The following TANGO2 variants were observed in gnomAD, a reference collection of about 807,000 sequenced individuals.
The protein encoded by TANGO2 is transport and Golgi organization protein 2 homolog.
A neutral mutation model predicts 39.1 loss-of-function variants in TANGO2; 26 were observed. That is an observed-to-expected ratio of 0.67 (90% confidence interval 0.49 to 0.92). TANGO2 has a LOEUF of 0.92. Among genes scored for constraint, TANGO2 ranks in the 40% least tolerant of loss-of-function variants. The probability of loss-of-function intolerance (pLI) is 0.00; values close to 1 mark genes in which losing one functional copy is unlikely to be tolerated. For missense variants in TANGO2, 326 were observed against 360.1 expected, an observed-to-expected ratio of 0.91 and a Z score of 0.77; for synonymous variants, 131 against 144.5, an observed-to-expected ratio of 0.91 and a Z score of 0.67.
upstream of TANGO2, among the ~76,000 whole-genome samples, chr22:20,018,332 A>G (rs1347679350): frequency 6.6e-6 from 1 of 152,214 alleles, no homozygotes; most frequent in East Asian, 1.9e-4. Context: ...CAAACCAGGT[A>G]GCTGTCATCC....
chr22:20,055,714 G>T (rs1036597328), intron 5 of TANGO2: 9 of 591,786 alleles, frequency 1.5e-5, no homozygotes, highest in Non-Finnish European at 2.7e-5. Context: ...GGGCTGGTGG[G>T]CCCCGAGGTG....
upstream of TANGO2, among the ~76,000 whole-genome samples, chr22:20,017,371 G>A (rs1601722414): frequency 6.6e-6 from 1 of 152,172 alleles, no homozygotes; most frequent in Non-Finnish European, 1.5e-5. Context: ...CTGACCCTGG[G>A]GCCTGGGGGC....
chr22:20,043,818 C>T (rs1420852220), intron 3 of TANGO2, among the ~76,000 whole-genome samples: 1 of 152,068 alleles, frequency 6.6e-6, no homozygotes, highest in African/African-American at 2.4e-5. Flanking sequence ...CGTGTGTATG[C>T]GTGCGTGTGT....
At chr22:20,017,668 C>T (rs559800422), upstream of TANGO2, among the ~76,000 whole-genome samples, 1 of 152,308 alleles carries the variant, frequency 6.6e-6, no homozygotes, top group Admixed American at 6.5e-5. Context: ...TTTTCTTCAC[C>T]CTACCTGGAG....
At chr22:20,017,102 G>C (rs1945239149), upstream of TANGO2, 1 of 152,116 alleles carries the variant, frequency 6.6e-6, no homozygotes, top group Non-Finnish European at 1.5e-5. Flanking sequence ...AACATCCCCC[G>C]ACCATCCAGC....
At chr22:20,044,826 C>T (rs980189395) in intron 3 of TANGO2, among the ~76,000 whole-genome samples, 8 of 152,186 alleles carry the variant, frequency 5.3e-5, no homozygotes, top group African/African-American at 1.9e-4. Context: ...GAGGGTTACC[C>T]TCTTCTGGTT....
At chr22:20,055,877 C>A in intron 5 of TANGO2, 66 bp from the exon 6 acceptor site, 1 of 1,383,370 alleles carries the variant, frequency 7.2e-7, no homozygotes, top group Non-Finnish European at 1.0e-6. Context: ...GCTGTGAGAT[C>A]ACCGGGCAGT....
chr22:20,018,127 C>T (rs1945332191), upstream of TANGO2, among the ~76,000 whole-genome samples: 1 of 152,244 alleles, frequency 6.6e-6, no homozygotes, highest in Non-Finnish European at 1.5e-5. Flanking sequence ...GAACTCACTG[C>T]TGGGACCACC....
intron 2 of TANGO2, among the ~76,000 whole-genome samples, chr22:20,038,853 G>A (rs1238986293): frequency 1.3e-5 from 2 of 152,010 alleles, no homozygotes; most frequent in Non-Finnish European, 2.9e-5. Flanking sequence ...CCTCGTACAG[G>A]TACCCAGCTA....
chr22:20,041,888 CT>C (rs79343076), intron 2 of TANGO2, among the ~76,000 whole-genome samples: 21,522 of 152,248 alleles, frequency 0.14, 2,456 homozygotes, highest in East Asian at 0.54. Context: ...ACCACTGCAA[CT>C]TGGTTTCAGA....
Position 20,063,721 on chromosome 22 carries a change from G to A in TANGO2, c.710+279G>A, listed in dbSNP as rs1490840445. 1.6e-5 allele frequency: 6 copies of A among 382,320 alleles called. No homozygotes were observed. In the East Asian group the frequency reaches 1.7e-4, roughly 11 times the overall value. 23.7% of individuals were successfully genotyped at this position (382,320 alleles called of 1,614,324 possible). On this transcript the variant is annotated intron_variant, in intron 8 of 8. Coordinates refer to ENST00000327374, the MANE Select transcript of TANGO2 (RefSeq NM_152906.7). ...CATTGGTGGATCCCTGCGGGCAAAC[G>A]CCCCGGCACCATGGCACTAGGCCTG...
chr22:20,035,637 T>C (rs1188722280), intron 1 of TANGO2, among the ~76,000 whole-genome samples: 1 of 152,218 alleles, frequency 6.6e-6, no homozygotes, highest in Non-Finnish European at 1.5e-5. Flanking sequence ...TGCCAGCTGC[T>C]GTGGGTGTGT....
chr22:20,036,213 G>A (rs1309226904), intron 1 of TANGO2, among the ~76,000 whole-genome samples: 1 of 152,118 alleles, frequency 6.6e-6, no homozygotes, highest in Non-Finnish European at 1.5e-5. Context: ...GGCGACGTCC[G>A]GGAAAATTGT....
intron 4 of TANGO2, among the ~76,000 whole-genome samples, chr22:20,053,187 A>T (rs1224351600): frequency 6.6e-6 from 1 of 152,086 alleles, no homozygotes; most frequent in African/African-American, 2.4e-5. Flanking sequence ...TGTTTACTTC[A>T]TGCTGGATTT....
chr22:20,063,327 C>T lies in TANGO2; in HGVS notation c.606-11C>T, dbSNP rs752927170. ...AGGGACTAATGGCCACCACTTCTCT[C>T]CATCCTGCAGGCAGCTGCCAGACCC... On this transcript the variant is annotated splice_polypyrimidine_tract_variant and intron_variant, in intron 7 of 8. Transcript: ENST00000327374. The T allele has an allele frequency of 1.2e-6, 2 of 1,611,958 alleles. No homozygotes were observed. Among genetic ancestry groups the T allele is most frequent in the Non-Finnish European group, 1.7e-6 (2 of 1,179,130 alleles).
intron 8 of TANGO2, 111 bp from the exon 9 acceptor site, chr22:20,064,431 G>A: frequency 7.2e-7 from 1 of 1,390,360 alleles, no homozygotes; most frequent in South Asian, 1.3e-5. Flanking sequence ...ACAGCCTCCA[G>A]GCATGGGGTT....
chr22:20,034,157 A>G (rs1170575324), intron 1 of TANGO2, among the ~76,000 whole-genome samples: 1 of 152,168 alleles, frequency 6.6e-6, no homozygotes, highest in Non-Finnish European at 1.5e-5. Flanking sequence ...GTGAGCCGAG[A>G]TTATGCCAGC....
At chr22:20,051,452 A>G (rs1313940556) in intron 3 of TANGO2, among the ~76,000 whole-genome samples, 2 of 151,852 alleles carry the variant, frequency 1.3e-5, no homozygotes, top group Non-Finnish European at 2.9e-5. Context: ...AATCGCTTGA[A>G]CCCAGGAGGG....
At chr22:20,037,734 A>T (rs2043121211) in intron 2 of TANGO2, among the ~76,000 whole-genome samples, 1 of 152,158 alleles carries the variant, frequency 6.6e-6, no homozygotes, top group Admixed American at 6.5e-5. Flanking sequence ...AAATGTTAGG[A>T]AAGAACTATT....
Sources: allele counts gnomAD v4.1 joint callset (sites outside exome capture counted in the v4.1 genomes callset), GRCh38; gene constraint gnomAD v4.1.1; transcripts MANE v1.5; gene names NCBI Gene and HGNC (gene_info 2026-07-23, HGNC 2026-07-21).